CNR2: variants seen among roughly 807,000 people sequenced by gnomAD.
CNR2 encodes cannabinoid receptor 2.
For synonymous variants in CNR2, 172 were observed against 182.2 expected (o/e 0.94, Z 0.45); for missense variants, 379 against 439.9 (o/e 0.86, Z 1.24).
Position 23,874,597 on chromosome 1 carries a change from C to T in CNR2, c.1021G>A (p.Glu341Lys), listed in dbSNP as rs1317764755. The T allele has an allele frequency of 6.2e-7, 1 of 1,614,190 alleles. No individual in the cohort carries two copies. Among genetic ancestry groups the T allele is most frequent in the Admixed American group, 1.7e-5 (1 of 60,014 alleles). The change falls in exon 2 of 2, where the codon GAG becomes AAG. Residue 341 changes from glutamate to lysine, a missense_variant. Physicochemically the swap from Glu to Lys is moderately conservative, Grantham distance 56. Coordinates refer to ENST00000374472, the MANE Select transcript of CNR2 (RefSeq NM_001841.3). ...CACGGAGTGATTTTCCCATCAGCCT[C>T]TGTCTCGGTGACTGAGGATCTCGGG... ...EAPRSSVTET[E>K]ADGKITPWPD...
intron 1 of CNR2, chr1:23,902,461 T>C: frequency 1.3e-6 from 2 of 1,597,082 alleles, no homozygotes. Context: ...GCCTACAGAG[T>C]GGCCAGCACC....
intron 1 of CNR2, among the ~76,000 whole-genome samples, chr1:23,878,589 G>T (rs1639928224): frequency 6.6e-6 from 1 of 152,106 alleles, no homozygotes; most frequent in South Asian, 2.1e-4. Context: ...ATGTTGGCCA[G>T]GCTGGGCTTG....
intron 1 of CNR2, among the ~76,000 whole-genome samples, chr1:23,888,497 T>C (rs1640129135): frequency 1.3e-5 from 2 of 152,168 alleles, no homozygotes; most frequent in Non-Finnish European, 2.9e-5. Flanking sequence ...TAAGACTTTA[T>C]GTCTGTGCAT....
In CNR2 at chr1:23,907,710, C is replaced by CTCAA. The variant is rs1357629296; in HGVS notation, c.-46+5532_-46+5535dup. On this transcript the variant is annotated intron_variant, in intron 1 of 1. Transcript: ENST00000374472. ...GTTTCACCATGTTGGCCAGGCTGGT[C>CTCAA]TCAAACTCCTGGCCTCAAGTGATCC... 5 of 152,152 alleles carry CTCAA rather than the reference C, an allele frequency of 3.3e-5. No individual in the cohort carries two copies. In the East Asian group the frequency reaches 9.7e-4, roughly 30 times the overall value. The allele number at this position is 152,152 out of a possible 1,614,324, so 9.4% of individuals were successfully genotyped here. A position where few individuals can be genotyped will look rare whatever the true frequency, so the allele number is the denominator to read the frequency against.
chr1:23,910,497 A>G (rs1412931378), intron 1 of CNR2, among the ~76,000 whole-genome samples: 1 of 151,724 alleles, frequency 6.6e-6, no homozygotes, highest in Admixed American at 6.6e-5. Context: ...CCTACTAAAA[A>G]TACAAAATTA....
intron 1 of CNR2, among the ~76,000 whole-genome samples, chr1:23,903,663 G>C (rs1373715530): frequency 6.6e-6 from 1 of 151,900 alleles, no homozygotes; most frequent in African/African-American, 2.4e-5. Flanking sequence ...GCTCCTCATA[G>C]TATCTGTGAA....
rs182168081 is a variant in CNR2, at chr1:23,875,237, G to A, written c.381C>T (p.Thr127=). The change falls in exon 2 of 2, where the codon ACC becomes ACT. Residue 127 remains threonine, a synonymous_variant. Transcript: ENST00000374472. ...GCAGGCAGAGGTATCGGTCAATGGC[G>A]GTCAGCAGGAGGCTACCCACAGAGG... ...FTASVGSLLL[T]AIDRYLCLRY... 213 of 1,614,164 alleles carry A rather than the reference G, an allele frequency of 1.3e-4. 1 individual carries two copies. In the East Asian group the frequency reaches 4.0e-3, roughly 31 times the overall value.
At chr1:23,882,391 C>A (rs536205051) in intron 1 of CNR2, among the ~76,000 whole-genome samples, 15 of 152,028 alleles carry the variant, frequency 9.9e-5, no homozygotes, top group Admixed American at 2.0e-4. Flanking sequence ...TGAACAATTC[C>A]TGGGTCAAAA....
rs993435785 is a variant in CNR2 at position 23,913,245 on chromosome 1, C to T, written c.-46+1G>A. 2 of 156,778 alleles carry T rather than the reference C, an allele frequency of 1.3e-5. No homozygotes were observed. Among genetic ancestry groups the T allele is most frequent in the South Asian group, 1.7e-4 (1 of 5,752 alleles). The allele number at this position is 156,778 out of a possible 1,614,324, so 9.7% of individuals were successfully genotyped here. A position where few individuals can be genotyped will look rare whatever the true frequency, so the allele number is the denominator to read the frequency against. ...AATAAACAACAAAAAAAGCTACTCA[C>T]GGTTGTGTTGTGGGTGGCTGGGCAC... On this transcript the variant is annotated splice_donor_variant, in intron 1 of 1. Coordinates refer to ENST00000374472, the MANE Select transcript of CNR2 (RefSeq NM_001841.3). LOFTEE classifies it low-confidence loss of function (5UTR_SPLICE).
chr1:23,878,861 A>G (rs1639932188), intron 1 of CNR2, among the ~76,000 whole-genome samples: 1 of 152,244 alleles, frequency 6.6e-6, no homozygotes, highest in Non-Finnish European at 1.5e-5. Flanking sequence ...CAAAAAATAA[A>G]GAAAAAACTG....
At chr1:23,876,394 G>A (rs551003127) in intron 1 of CNR2, among the ~76,000 whole-genome samples, 1 of 151,586 alleles carries the variant, frequency 6.6e-6, no homozygotes, top group South Asian at 2.1e-4. Context: ...AGTAGAGACC[G>A]GGTTTCACCA....
chr1:23,905,511 T>C (rs1028503618), intron 1 of CNR2, among the ~76,000 whole-genome samples: 2 of 150,378 alleles, frequency 1.3e-5, no homozygotes, highest in Non-Finnish European at 3.0e-5. Context: ...TATATATTTA[T>C]ATATTAATTT....
At chr1:23,885,116 G>A (rs1261813708) in intron 1 of CNR2, among the ~76,000 whole-genome samples, 1 of 152,016 alleles carries the variant, frequency 6.6e-6, no homozygotes, top group Admixed American at 6.6e-5. Context: ...ACTATTAACT[G>A]AGGCTGGGTA....
rs781130624 is a variant in CNR2, at chr1:23,874,851, ATGAG to A, written c.763_766del (p.Leu255SerfsTer66). The stretch of plus-strand genomic sequence containing the variant: ...GAGGGCCAGCACTGGGAACCAACAG[ATGAG>A]GAGCACAGCCAACACTAGCCCTAGG... On this transcript the variant is annotated frameshift_variant, in exon 2 of 2. Coordinates refer to ENST00000374472, the MANE Select transcript of CNR2 (RefSeq NM_001841.3). LOFTEE classifies it low-confidence loss of function (END_TRUNC). The A allele has an allele frequency of 5.0e-6, 8 of 1,613,926 alleles. No individual in the cohort carries two copies. In the South Asian group the frequency reaches 8.8e-5, roughly 18 times the overall value.
At chr1:23,887,420 A>G (rs1354558624) in intron 1 of CNR2, among the ~76,000 whole-genome samples, 1 of 152,206 alleles carries the variant, frequency 6.6e-6, no homozygotes, top group East Asian at 1.9e-4. Context: ...TTCAGCCTAG[A>G]AGAGGGATGC....
At chr1:23,888,095 C>T (rs1306215482) in intron 1 of CNR2, among the ~76,000 whole-genome samples, 1 of 152,190 alleles carries the variant, frequency 6.6e-6, no homozygotes, top group African/African-American at 2.4e-5. Flanking sequence ...TAATGCCCAC[C>T]TCAAAATGCT....
Position 23,897,138 on chromosome 1 carries a change from G to A in CNR2, c.-46+16108C>T, listed in dbSNP as rs183289459. Among the ~76,000 whole-genome samples the A allele has an allele frequency of 1.0e-3, 159 of 152,206 alleles. 1 individual carries two copies. The highest frequency in any genetic ancestry group is 2.2e-3 in the Admixed American group (34 of 15,268). ...GATCCACCCGCCTCAGCCTCCCAAA[G>A]TGCTGGAATTACAGGTGTGAGCCAC... On this transcript the variant is annotated intron_variant, in intron 1 of 1. Coordinates refer to ENST00000374472, the MANE Select transcript of CNR2 (RefSeq NM_001841.3).
chr1:23,903,501 G>T (rs1200272155), intron 1 of CNR2, among the ~76,000 whole-genome samples: 1 of 151,038 alleles, frequency 6.6e-6, no homozygotes, highest in Non-Finnish European at 1.5e-5. Flanking sequence ...TTGAGCCCAG[G>T]TGGTTGAAGC....
At chr1:23,898,066 A>G (rs564692471) in intron 1 of CNR2, among the ~76,000 whole-genome samples, 24 of 151,876 alleles carry the variant, frequency 1.6e-4, no homozygotes, top group Non-Finnish European at 3.4e-4. Flanking sequence ...TCACTCTGTC[A>G]CCCAGGCTGG....
Sources: allele counts gnomAD v4.1 joint callset (sites outside exome capture counted in the v4.1 genomes callset), GRCh38; gene constraint gnomAD v4.1.1; transcripts MANE v1.5; gene names NCBI Gene and HGNC (gene_info 2026-07-23, HGNC 2026-07-21).